The following PIEZO2 variants were observed in gnomAD, a reference collection of about 807,000 sequenced individuals.
PIEZO2 encodes piezo-type mechanosensitive ion channel component 2.
Under a neutral mutation model 337.3 loss-of-function variants are expected in PIEZO2, and 172 were observed. The ratio of observed to expected loss-of-function variants is 0.51; its 90% CI spans 0.45 to 0.58. The LOEUF is 0.58. Ranked by LOEUF, PIEZO2 falls within the 20% of genes least tolerant of loss-of-function variation. The probability of loss-of-function intolerance (pLI) is 0.00; values close to 1 mark genes in which losing one functional copy is unlikely to be tolerated. For synonymous variants in PIEZO2, 1,251 were observed against 1,228.5 expected, an observed-to-expected ratio of 1.02 and a Z score of -0.38; for missense variants, 3,028 against 3,391.3, an observed-to-expected ratio of 0.89 and a Z score of 2.66.
rs1158150426 is a variant in PIEZO2 at position 10,748,513 on chromosome 18, T to G, written c.4382A>C (p.His1461Pro). The change falls in exon 30 of 56, where the codon CAT becomes CCT. Residue 1461 changes from histidine (H) to proline (P), a missense_variant. Physicochemically the swap from His to Pro is moderately conservative, Grantham distance 77 (BLOSUM62 -2). Around this residue, in one of 5 missense-constraint regions of PIEZO2, gnomAD observed 1,925 missense variants for 2,051.9 expected, o/e 0.94. Coordinates refer to ENST00000674853, the MANE Select transcript of PIEZO2 (RefSeq NM_001378183.1). The surrounding 1 kb of genome is among the most constrained non-coding windows in gnomAD (Gnocchi z 5.1). ...GGAAGCTTTTATATCAGCCACAACA[T>G]GTAGAAAATAATAACTCATGAAAAC... ...RRVFMSYYFL[H>P]VVADIKASQI... The G allele has an allele frequency of 1.2e-5, 19 of 1,536,928 alleles. No homozygotes were observed. Among genetic ancestry groups the G allele is most frequent in the Non-Finnish European group, 1.6e-5 (18 of 1,146,854 alleles).
chr18:10,896,792 T>A (rs1188914893), intron 4 of PIEZO2, among the ~76,000 whole-genome samples: 1 of 152,194 alleles, frequency 6.6e-6, no homozygotes, highest in East Asian at 1.9e-4. Context: ...AGGTCCGGCA[T>A]CACCGGCCTC....
At chr18:10,744,350 G>C in intron 30 of PIEZO2, 119 bp from the exon 31 acceptor site, 1 of 669,512 alleles carries the variant, frequency 1.5e-6, no homozygotes, top group African/African-American at 1.8e-5. Context: ...GCTGCTTGTA[G>C]TTTCCTGGCT....
At chr18:10,762,447 G>A (rs570355824) in intron 23 of PIEZO2, 53 bp downstream of exon 23, 5 of 1,512,078 alleles carry the variant, frequency 3.3e-6, no homozygotes, top group Non-Finnish European at 3.5e-6. Flanking sequence ...AAAGAATCCT[G>A]AACTATTATA....
At chr18:10,858,794 C>G (rs1038724416) in intron 5 of PIEZO2, among the ~76,000 whole-genome samples, 2 of 152,104 alleles carry the variant, frequency 1.3e-5, no homozygotes, top group African/African-American at 4.8e-5. Context: ...CTACAGGATG[C>G]ACCCAGCCAG....
chr18:11,010,956 A>T (rs1339128255), intron 2 of PIEZO2, among the ~76,000 whole-genome samples: 1 of 152,224 alleles, frequency 6.6e-6, no homozygotes, highest in Non-Finnish European at 1.5e-5. Context: ...TAGTTTTTCA[A>T]TGTGCTAAAT....
intron 2 of PIEZO2, among the ~76,000 whole-genome samples, chr18:11,045,275 G>A (rs973772373): frequency 5.1e-5 from 6 of 117,754 alleles, no homozygotes; most frequent in Non-Finnish European, 8.0e-5. Flanking sequence ...CAGCCTGGGC[G>A]ACAGAGTGAG....
chr18:11,023,839 G>A (rs1403968272), intron 2 of PIEZO2, among the ~76,000 whole-genome samples: 1 of 152,220 alleles, frequency 6.6e-6, no homozygotes, highest in Non-Finnish European at 1.5e-5. Context: ...CAGCGCCGGT[G>A]GGCCGGCACT....
chr18:10,953,825 C>G lies in PIEZO2; in HGVS notation c.286+25710G>C, dbSNP rs1352208704. Among the ~76,000 whole-genome samples, 3 of 152,124 alleles carry G rather than the reference C, an allele frequency of 2.0e-5. No homozygotes were observed. The highest frequency in any genetic ancestry group is 2.9e-5 in the Non-Finnish European group (2 of 68,036). On this transcript the variant is annotated intron_variant, in intron 3 of 55. Coordinates refer to ENST00000674853, the MANE Select transcript of PIEZO2 (RefSeq NM_001378183.1). This position sits in a 1 kb window ranked among gnomAD's most constrained non-coding sequence, Gnocchi z 5.2. ...GTGCACTTGGGAACAGATGAACAAGCAGGGGCAGCAAGAGAGAGGCAGGCT... is the reference window on the plus strand; with the variant it reads ...GTGCACTTGGGAACAGATGAACAAGGAGGGGCAGCAAGAGAGAGGCAGGCT...
In PIEZO2 at chr18:10,979,528, TACTC is replaced by T; in HGVS notation, c.286+3_286+6del. 6.6e-7 allele frequency: 1 copy of T among 1,516,922 alleles called. No homozygotes were observed. Among genetic ancestry groups the T allele is most frequent in the Non-Finnish European group, 8.8e-7 (1 of 1,134,362 alleles). The allele number at this position is 1,516,922 out of a possible 1,614,324, so 94.0% of individuals were successfully genotyped here. A position where few individuals can be genotyped will look rare whatever the true frequency, so the allele number is the denominator to read the frequency against. On this transcript the variant is annotated splice_donor_5th_base_variant and intron_variant, in intron 3 of 55. Coordinates refer to ENST00000674853, the MANE Select transcript of PIEZO2 (RefSeq NM_001378183.1). This position sits in a 1 kb window ranked among gnomAD's most constrained non-coding sequence, Gnocchi z 4.0. ...AAAACAATAAAAGAAAACACCATAATACTCACAGTTGTAGCCAGGTGCAATACGA... is the reference window on the plus strand; with the variant it reads ...AAAACAATAAAAGAAAACACCATAATACAGTTGTAGCCAGGTGCAATACGA...
chr18:10,812,725 C>T (rs1483573517), intron 7 of PIEZO2, among the ~76,000 whole-genome samples: 4 of 152,024 alleles, frequency 2.6e-5, no homozygotes, highest in Admixed American at 2.0e-4. Context: ...ACGCTTTTCT[C>T]TCTCTCTGAA....
chr18:10,758,517 C>T (rs1478043080), intron 26 of PIEZO2, among the ~76,000 whole-genome samples: 1 of 152,110 alleles, frequency 6.6e-6, no homozygotes, highest in Non-Finnish European at 1.5e-5. Flanking sequence ...GCGATCTTGG[C>T]TCACTGCAAG....
At position 11,112,701 on chromosome 18, in the gene PIEZO2, T is replaced by G. The variant is rs1387852749; in HGVS notation, c.64+35824A>C. ...AACCTATATAACTTTCTGAAAATAA[T>G]GCAAGTGACACCTGGTGTTCTACTG... On this transcript the variant is annotated intron_variant, in intron 1 of 55. Coordinates refer to ENST00000674853, the MANE Select transcript of PIEZO2 (RefSeq NM_001378183.1). This position sits in a 1 kb window ranked among gnomAD's most constrained non-coding sequence, Gnocchi z 4.3. Among the ~76,000 whole-genome samples the G allele has an allele frequency of 6.6e-6, 1 of 152,196 alleles. No individual in the cohort carries two copies. Among genetic ancestry groups the G allele is most frequent in the Non-Finnish European group, 1.5e-5 (1 of 68,042 alleles).
chr18:10,720,234 G>GCGTATA (rs1555631512), intron 36 of PIEZO2, among the ~76,000 whole-genome samples: 19 of 119,898 alleles, frequency 1.6e-4, no homozygotes, highest in African/African-American at 6.0e-4. Context: ...GTGTGTGTGT[G>GCGTATA]TATATATATA....
chr18:10,970,647 CA>C (rs2034198763), intron 3 of PIEZO2, among the ~76,000 whole-genome samples: 1 of 141,372 alleles, frequency 7.1e-6, no homozygotes, highest in South Asian at 2.3e-4. Flanking sequence ...AAACTTAGAA[CA>C]AAAAAGATGT....
rs776813592 is a variant in PIEZO2, at chr18:10,846,215, A to G, written c.917+9138T>C. The stretch of plus-strand genomic sequence containing the variant: ...AGGGAGGCCTCACAATCATGGCAGA[A>G]GGCAAGGAGGAGCAAGTCACATCTT... On this transcript the variant is annotated intron_variant, in intron 7 of 55. Coordinates refer to ENST00000674853, the MANE Select transcript of PIEZO2 (RefSeq NM_001378183.1). The surrounding 1 kb of genome is among the most constrained non-coding windows in gnomAD (Gnocchi z 4.1). Among the ~76,000 whole-genome samples, 4 of 152,198 alleles carry G rather than the reference A, an allele frequency of 2.6e-5. No homozygotes were observed. The highest frequency in any genetic ancestry group is 7.2e-5 in the African/African-American group (3 of 41,440).
At chr18:11,056,073 C>T (rs1474774740) in intron 2 of PIEZO2, among the ~76,000 whole-genome samples, 1 of 152,168 alleles carries the variant, frequency 6.6e-6, no homozygotes, top group Non-Finnish European at 1.5e-5. Flanking sequence ...AATCCAGACC[C>T]CACAGAGAGA....
Position 10,866,541 on chromosome 18 carries a change from TCC to T in PIEZO2, c.492+4710_492+4711del, listed in dbSNP as rs1032927234. Among the ~76,000 whole-genome samples the T allele has an allele frequency of 8.5e-5, 13 of 152,266 alleles. 1 individual carries two copies. The highest frequency in any genetic ancestry group is 7.2e-4 in the Admixed American group (11 of 15,292). ...ACCTCGTGATCTGCCCACCTTGCCC[TCC>T]CAAAGTGCTGGGATTTTAGGTGTGG... On this transcript the variant is annotated intron_variant, in intron 5 of 55. Transcript: ENST00000674853.
In PIEZO2 at chr18:11,031,134, C is replaced by T. The variant is rs1033795175; in HGVS notation, c.160+34993G>A. Among the ~76,000 whole-genome samples the T allele has an allele frequency of 2.0e-5, 3 of 151,536 alleles. No individual in the cohort carries two copies. The highest frequency in any genetic ancestry group is 2.0e-4 in the Admixed American group (3 of 15,194). On this transcript the variant is annotated intron_variant, in intron 2 of 55. Coordinates refer to ENST00000674853, the MANE Select transcript of PIEZO2 (RefSeq NM_001378183.1). The surrounding 1 kb of genome is among the most constrained non-coding windows in gnomAD (Gnocchi z 4.7). ...CCTCTCGAGTTTCTGGGACTACAGG[C>T]GCCTGCCACCATGCCTGGCTAATTT...
intron 21 of PIEZO2, chr18:10,769,854 C>A: frequency 3.8e-6 from 1 of 259,828 alleles, no homozygotes; most frequent in Non-Finnish European, 7.2e-6. Context: ...AGATAGATTC[C>A]CATAGGCAGG....
Sources: gnomAD v4.1 joint callset for allele counts (sites outside exome capture counted in the v4.1 genomes callset) on GRCh38, gnomAD v4.1.1 for gene constraint, gnomAD v4.1.1 regional missense constraint, Gnocchi (gnomAD v3.1) non-coding constraint, MANE v1.5 for transcripts, NCBI Gene and HGNC (gene_info 2026-07-23, HGNC 2026-07-21) for gene names.